The following SEPTIN3 variants were observed in gnomAD, a reference collection of about 807,000 sequenced individuals.
SEPTIN3 encodes the protein septin 3, also known as neuronal-specific septin-3.
SEPTIN3 carries 15 observed loss-of-function variants against 45.1 expected under a neutral mutation model. The ratio of observed to expected loss-of-function variants is 0.33; its 90% CI spans 0.22 to 0.51. The LOEUF (loss-of-function observed/expected upper bound fraction) is 0.51, where lower values mean the gene tolerates loss of function less well. SEPTIN3 is among the 20% of genes least tolerant of loss of function. The pLI is 0.97. For missense variants in SEPTIN3, 289 were observed against 457.2 expected, an observed-to-expected ratio of 0.63 and a Z score of 3.35; for synonymous variants, 148 against 164.8, an observed-to-expected ratio of 0.90 and a Z score of 0.78.
rs1211193530 is a variant in SEPTIN3 at position 41,987,721 on chromosome 22, C to G, written c.2007C>G (p.Val669=). 2.5e-6 allele frequency: 4 copies of G among 1,613,952 alleles called. No individual in the cohort carries two copies. Among genetic ancestry groups the G allele is most frequent in the Non-Finnish European group, 3.4e-6 (4 of 1,179,952 alleles). The change falls in exon 6 of 12, where the codon GTC becomes GTG. Residue 669 remains valine, a synonymous_variant. Transcript: ENST00000644076. Reference sequence around the variant, plus strand: ...AGAAACGCATCCCTGACACTCGTGTCCACTGCTGCCTTTACTTCATCTCTC... The same window carrying G: ...AGAAACGCATCCCTGACACTCGTGTGCACTGCTGCCTTTACTTCATCTCTC... ...ARKKRIPDTR[V]HCCLYFISPT...
intron 2 of SEPTIN3, among the ~76,000 whole-genome samples, chr22:41,981,139 A>G (rs2078113715): frequency 6.6e-6 from 1 of 152,208 alleles, no homozygotes; most frequent in South Asian, 2.1e-4. Flanking sequence ...GAACAACCCC[A>G]GACATTTCTT....
Position 41,971,603 on chromosome 22 carries a change from G to A in SEPTIN3, c.111G>A (p.Ser37=), listed in dbSNP as rs1349697348. Residue 37 remains serine, a synonymous_variant, in exon 2 of 12, where the codon TCG becomes TCA. Coordinates refer to ENST00000644076, the MANE Select transcript of SEPTIN3 (RefSeq NM_001363845.2). ...TGCTGGGGCGCCCTATCCGCCCCTC[G>A]AGACTCCCTGGAGGAGGGTCCCCCC... The part of the protein sequence containing the change: ...SHVLGRPIRP[S]RLPGGGSPLT... The A allele has an allele frequency of 1.8e-5, 7 of 399,006 alleles. No individual in the cohort carries two copies. The highest frequency in any genetic ancestry group is 6.3e-4 in the Middle Eastern group (1 of 1,590). The allele number at this position is 399,006 out of a possible 1,614,324, so 24.7% of individuals were successfully genotyped here.
intron 4 of SEPTIN3, among the ~76,000 whole-genome samples, chr22:41,986,942 C>T (rs1377077357): frequency 1.3e-5 from 2 of 152,030 alleles, no homozygotes; most frequent in Non-Finnish European, 2.9e-5. Flanking sequence ...CACCACTGCA[C>T]TCTAGCCTGG....
chr22:41,991,825 GC>G (rs2078323122), intron 8 of SEPTIN3, among the ~76,000 whole-genome samples, 157 bp downstream of exon 8: 1 of 152,170 alleles, frequency 6.6e-6, no homozygotes, highest in South Asian at 2.1e-4. Flanking sequence ...GAGGACTATG[GC>G]CCTGGACTGT....
Position 41,987,652 on chromosome 22 carries a change from G to T in SEPTIN3, c.1938G>T (p.Glu646Asp). Residue 646 changes from glutamate to aspartate, a missense_variant, in exon 6 of 12, where the codon GAG (glutamate) becomes GAT (aspartate). Physicochemically the swap from Glu to Asp is conservative, Grantham distance 45. This residue lies in a region of SEPTIN3 where 200 missense variants were observed against 315.1 expected (regional missense o/e 0.63). Coordinates refer to ENST00000644076, the MANE Select transcript of SEPTIN3 (RefSeq NM_001363845.2). ...CWEPIEKYIN[E>D]QYEKFLKEEV... ...AGCCCATTGAGAAGTACATCAATGA[G>T]CAGTACGAGAAGTTCCTGAAGGAGG... 1 of 1,613,704 alleles carries T rather than the reference G, an allele frequency of 6.2e-7. No individual in the cohort carries two copies. The highest frequency in any genetic ancestry group is 2.2e-5 in the East Asian group (1 of 44,878).
In SEPTIN3 at chr22:41,992,782, T is replaced by G; in HGVS notation, c.2359+19T>G. On this transcript the variant is annotated intron_variant, in intron 9 of 11. Transcript: ENST00000644076. ...ATCGAAGGTAATTCACTGCATCTTC[T>G]GGAAGAACTGGTTGCTGATCAGTTA... 6.6e-7 allele frequency: 1 copy of G among 1,506,366 alleles called. No individual in the cohort carries two copies. Among genetic ancestry groups the G allele is most frequent in the Non-Finnish European group, 9.2e-7 (1 of 1,088,866 alleles). The allele number at this position is 1,506,366 out of a possible 1,614,324, so 93.3% of individuals were successfully genotyped here.
At chr22:41,991,272 T>A (rs368087646) in intron 7 of SEPTIN3, among the ~76,000 whole-genome samples, 2 of 152,280 alleles carry the variant, frequency 1.3e-5, no homozygotes, top group East Asian at 3.9e-4. Context: ...TCACCTGTGC[T>A]GCTTGTGTAA....
At position 41,997,071 on chromosome 22, in the gene SEPTIN3, C is replaced by G; in HGVS notation, c.*104C>G. ...GCTCGTCCAGCTCACCACCACAGCC[C>G]CTCTCAGCCCTCAGTAGGTGGGAGG... On this transcript the variant is annotated 3_prime_UTR_variant, in exon 12 of 12. Coordinates refer to ENST00000644076, the MANE Select transcript of SEPTIN3 (RefSeq NM_001363845.2). The G allele has an allele frequency of 1.9e-6, 3 of 1,578,752 alleles. No individual in the cohort carries two copies. The highest frequency in any genetic ancestry group is 2.6e-6 in the Non-Finnish European group (3 of 1,163,346).
intron 9 of SEPTIN3, among the ~76,000 whole-genome samples, chr22:41,993,078 C>T (rs906615356): frequency 3.3e-5 from 5 of 152,122 alleles, no homozygotes; most frequent in Non-Finnish European, 5.9e-5. Flanking sequence ...GACAAACTGC[C>T]GGAGGGTTGT....
intron 3 of SEPTIN3, chr22:41,985,611 G>A (rs1449698653): frequency 5.3e-6 from 1 of 189,374 alleles, no homozygotes; most frequent in Admixed American, 5.5e-5. Context: ...GCAGTATCAG[G>A]ATGCAAAGTC....
intron 5 of SEPTIN3, 77 bp downstream of exon 5, chr22:41,987,364 G>C (rs1033556672): frequency 2.9e-6 from 4 of 1,369,144 alleles, no homozygotes; most frequent in Non-Finnish European, 4.1e-6. Context: ...ATTCATTCAC[G>C]TTGAGAACCA....
At chr22:41,977,183 C>A in intron 2 of SEPTIN3, 1 of 1,114,472 alleles carries the variant, frequency 9.0e-7, no homozygotes, top group Non-Finnish European at 1.2e-6. Flanking sequence ...GGAGCCCACG[C>A]GCGGTGACAG....
At chr22:41,991,969 T>G (rs1235604644) in intron 8 of SEPTIN3, among the ~76,000 whole-genome samples, 2 of 152,132 alleles carry the variant, frequency 1.3e-5, no homozygotes, top group Non-Finnish European at 2.9e-5. Flanking sequence ...AGGAAGAGCA[T>G]CAGGCTGGGG....
intron 3 of SEPTIN3, among the ~76,000 whole-genome samples, chr22:41,985,374 A>G (rs1425900208): frequency 6.6e-6 from 1 of 152,202 alleles, no homozygotes; most frequent in African/African-American, 2.4e-5. Flanking sequence ...TCTAAAAACC[A>G]CTACACTAGA....
chr22:41,984,906 G>T (rs1298629178), intron 3 of SEPTIN3, among the ~76,000 whole-genome samples: 1 of 134,700 alleles, frequency 7.4e-6, no homozygotes, highest in African/African-American at 2.8e-5. Context: ...AGGCTGGAGC[G>T]CAGTGGCGCG....
Position 41,976,977 on chromosome 22 carries a change from C to G in SEPTIN3, c.1504+3981C>G. 1 of 1,426,388 alleles carries G rather than the reference C, an allele frequency of 7.0e-7. No homozygotes were observed. Among genetic ancestry groups the G allele is most frequent in the Non-Finnish European group, 9.4e-7 (1 of 1,062,894 alleles). The allele number at this position is 1,426,388 out of a possible 1,614,324, so 88.4% of individuals were successfully genotyped here. On this transcript the variant is annotated intron_variant, in intron 2 of 11. Coordinates refer to ENST00000644076, the MANE Select transcript of SEPTIN3 (RefSeq NM_001363845.2). This position sits in a 1 kb window ranked among gnomAD's most constrained non-coding sequence, Gnocchi z 5.8. ...GGGCGAGGCCCGTTTGCAGGGGCCGCTCGGCCCGGGGAAGCCCGCGCCCCG... is the reference window on the plus strand; with the variant it reads ...GGGCGAGGCCCGTTTGCAGGGGCCGGTCGGCCCGGGGAAGCCCGCGCCCCG...
intron 2 of SEPTIN3, among the ~76,000 whole-genome samples, chr22:41,973,674 A>G (rs1428565326): frequency 6.6e-6 from 1 of 151,594 alleles, no homozygotes; most frequent in Non-Finnish European, 1.5e-5. Context: ...CTCCGTCTCA[A>G]AAAAATAAAA....
intron 2 of SEPTIN3, among the ~76,000 whole-genome samples, chr22:41,977,562 A>C (rs2078049783): frequency 6.6e-6 from 1 of 151,878 alleles, no homozygotes; most frequent in Non-Finnish European, 1.5e-5. Context: ...CGAATGGGAA[A>C]GGACCGAGAG....
At chr22:41,992,519 C>T in intron 8 of SEPTIN3, 145 bp from the exon 9 acceptor site, 1 of 586,340 alleles carries the variant, frequency 1.7e-6, no homozygotes, top group Non-Finnish European at 3.1e-6. Flanking sequence ...TGAGCCTTGC[C>T]CTTGCCATCA....
Sources: allele counts gnomAD v4.1 joint callset (sites outside exome capture counted in the v4.1 genomes callset), GRCh38; gene constraint gnomAD v4.1.1; regional missense constraint gnomAD v4.1.1; non-coding constraint Gnocchi (gnomAD v3.1); transcripts MANE v1.5; gene names NCBI Gene and HGNC (gene_info 2026-07-23, HGNC 2026-07-21).